LPP: variants seen among roughly 807,000 people sequenced by gnomAD.
LPP encodes lipoma-preferred partner.
LPP carries 38 observed loss-of-function variants against 60.4 expected under a neutral mutation model. The observed-to-expected ratio is 0.63, with a 90% CI of 0.49 to 0.83. LPP has a LOEUF of 0.83. Among genes scored for constraint, LPP ranks in the 40% least tolerant of loss-of-function variants. The pLI is 0.00. For synonymous variants in LPP, 328 were observed against 290.8 expected, an observed-to-expected ratio of 1.13 and a Z score of -1.30; for missense variants, 902 against 783.6, an observed-to-expected ratio of 1.15 and a Z score of -1.80.
chr3:188,526,277 C>T (rs911166695), intron 6 of LPP, among the ~76,000 whole-genome samples: 7 of 136,564 alleles, frequency 5.1e-5, no homozygotes, highest in African/African-American at 1.1e-4. Context: ...CATAAGGTGG[C>T]AGCACTTTCT....
chr3:188,643,759 A>G (rs776985203), intron 7 of LPP, among the ~76,000 whole-genome samples: 2 of 152,170 alleles, frequency 1.3e-5, no homozygotes, highest in African/African-American at 2.4e-5. Flanking sequence ...AGTAGCGTCT[A>G]TGTGCTAGGA....
chr3:188,427,700 T>C (rs1456916895), intron 4 of LPP, among the ~76,000 whole-genome samples: 1 of 152,172 alleles, frequency 6.6e-6, no homozygotes, highest in Non-Finnish European at 1.5e-5. Flanking sequence ...CTGGGGGCTT[T>C]GTTTACACTG....
chr3:188,503,190 C>T (rs182171398), intron 5 of LPP, among the ~76,000 whole-genome samples: 4 of 152,086 alleles, frequency 2.6e-5, no homozygotes, highest in South Asian at 2.1e-4. Flanking sequence ...AACATCCTAA[C>T]GTTATAACAC....
chr3:188,698,066 A>G (rs1014891016), intron 7 of LPP, among the ~76,000 whole-genome samples: 11 of 152,192 alleles, frequency 7.2e-5, no homozygotes, highest in Non-Finnish European at 1.0e-4. Flanking sequence ...AATTGAGGAT[A>G]GTTTTTCTAT....
chr3:188,452,539 C>T (rs958564338), intron 4 of LPP, among the ~76,000 whole-genome samples: 7 of 152,122 alleles, frequency 4.6e-5, no homozygotes, highest in African/African-American at 9.7e-5. Context: ...ATTTAAGTGA[C>T]GTGTATCGAA....
At chr3:188,658,279 G>A (rs896550451) in intron 7 of LPP, among the ~76,000 whole-genome samples, 1 of 151,996 alleles carries the variant, frequency 6.6e-6, no homozygotes, top group Non-Finnish European at 1.5e-5. Context: ...CAAGTAGCTG[G>A]GATTACAGGC....
rs1715345895 is a variant in LPP, at chr3:188,154,209, G to GCCA, written c.-231_-230insACC. On this transcript the variant is annotated 5_prime_UTR_variant, in exon 1 of 12. Coordinates refer to ENST00000617246, the MANE Select transcript of LPP (RefSeq NM_001375462.1). Reference sequence around the variant, plus strand: ...TCCAGCCGCCGCCGCCGCCGCCGCCGCCGCCACCACCACCGCCGCTGCCCC... The same window carrying GCCA: ...TCCAGCCGCCGCCGCCGCCGCCGCCGCCACCGCCACCACCACCGCCGCTGCCCC... Among the ~76,000 whole-genome samples the GCCA allele has an allele frequency of 1.3e-5, 2 of 151,356 alleles. No individual in the cohort carries two copies. Among genetic ancestry groups the GCCA allele is most frequent in the African/African-American group, 4.8e-5 (2 of 41,256 alleles).
Position 188,883,248 on chromosome 3 carries a change from C to G in LPP, c.*8769C>G, listed in dbSNP as rs1159546709. 1 of 213,106 alleles carries G rather than the reference C, an allele frequency of 4.7e-6. No homozygotes were observed. The highest frequency in any genetic ancestry group is 9.5e-6 in the Non-Finnish European group (1 of 105,410). 13.2% of individuals were successfully genotyped at this position (213,106 alleles called of 1,614,324 possible). ...TACTTTTTTGAATTTTTAAGAATCT[C>G]TAAAATTAGTCTGAAGGATGTTCTG... On this transcript the variant is annotated 3_prime_UTR_variant, in exon 12 of 12. Transcript: ENST00000617246.
At chr3:188,661,046 T>C (rs1854472368) in intron 7 of LPP, among the ~76,000 whole-genome samples, 1 of 152,166 alleles carries the variant, frequency 6.6e-6, no homozygotes, top group Non-Finnish European at 1.5e-5. Context: ...TTTACTGGCT[T>C]CATAGTTTTG....
intron 3 of LPP, among the ~76,000 whole-genome samples, chr3:188,348,390 C>T (rs1308793081): frequency 6.6e-6 from 1 of 152,104 alleles, no homozygotes; most frequent in African/African-American, 2.4e-5. Flanking sequence ...TCAGGTGATC[C>T]ACCTGCCTCA....
At chr3:188,732,194 G>C (rs1408420006) in intron 8 of LPP, among the ~76,000 whole-genome samples, 1 of 152,150 alleles carries the variant, frequency 6.6e-6, no homozygotes, top group Non-Finnish European at 1.5e-5. Flanking sequence ...CAAAGCAATA[G>C]GTTCTTCCTG....
chr3:188,752,017 G>C (rs1239798631), intron 8 of LPP, among the ~76,000 whole-genome samples: 1 of 152,154 alleles, frequency 6.6e-6, no homozygotes, highest in East Asian at 1.9e-4. Flanking sequence ...TTAGAGAACA[G>C]TCCAAAGCAT....
At chr3:188,709,447 C>G (rs1437577889) in intron 8 of LPP, 1 of 152,258 alleles carries the variant, frequency 6.6e-6, no homozygotes, top group Non-Finnish European at 1.5e-5. Context: ...ACCTCCACCT[C>G]CGGATTTTGA....
At chr3:188,206,371 C>T (rs1212470869) in intron 1 of LPP, among the ~76,000 whole-genome samples, 3 of 152,110 alleles carry the variant, frequency 2.0e-5, no homozygotes, top group African/African-American at 7.2e-5. Context: ...ACTCTGGGAA[C>T]CTTGCTGAGA....
chr3:188,884,783 T>A lies in LPP; in HGVS notation c.*10304T>A, dbSNP rs938229060. On this transcript the variant is annotated 3_prime_UTR_variant, in exon 12 of 12. Transcript: ENST00000617246. The stretch of plus-strand genomic sequence containing the variant: ...CGTAGGTTAGCAATGCATTTTAGTC[T>A]TTCTCTCCATTCACATTTACTGAGA... The A allele has an allele frequency of 4.4e-6, 1 of 225,838 alleles. No individual in the cohort carries two copies. Among genetic ancestry groups the A allele is most frequent in the Non-Finnish European group, 8.8e-6 (1 of 113,516 alleles). 14.0% of individuals were successfully genotyped at this position (225,838 alleles called of 1,614,324 possible).
intron 8 of LPP, among the ~76,000 whole-genome samples, chr3:188,736,352 A>C (rs1722502911): frequency 6.6e-6 from 1 of 152,188 alleles, no homozygotes; most frequent in Non-Finnish European, 1.5e-5. Context: ...ATTTTCATGC[A>C]AATACAAATA....
rs182928728 is a variant in LPP, at chr3:188,319,004, C to T, written c.-66-22659C>T. Among the ~76,000 whole-genome samples the T allele has an allele frequency of 4.2e-4, 64 of 151,832 alleles. No individual in the cohort carries two copies. The East Asian group carries it at 9.7e-3, about 23-fold the overall frequency. ...CGATCTCCTGACCTCGTGATCCGCCCGCCTCGGCCTCCCAAAGTGCTGGGA... is the reference window on the plus strand; with the variant it reads ...CGATCTCCTGACCTCGTGATCCGCCTGCCTCGGCCTCCCAAAGTGCTGGGA... On this transcript the variant is annotated intron_variant, in intron 2 of 11. Transcript: ENST00000617246.
intron 9 of LPP, among the ~76,000 whole-genome samples, chr3:188,792,607 T>G (rs1242366605): frequency 6.6e-6 from 1 of 152,086 alleles, no homozygotes; most frequent in African/African-American, 2.4e-5. Flanking sequence ...AGTTTTTTTG[T>G]TTTTTTGGTT....
At chr3:188,696,667 C>T (rs1422165028) in intron 7 of LPP, among the ~76,000 whole-genome samples, 2 of 152,176 alleles carry the variant, frequency 1.3e-5, no homozygotes, top group Admixed American at 1.3e-4. Flanking sequence ...AATTCAGCAT[C>T]CTGCACTGGA....
Sources: allele counts gnomAD v4.1 joint callset (sites outside exome capture counted in the v4.1 genomes callset), GRCh38; gene constraint gnomAD v4.1.1; transcripts MANE v1.5; gene names NCBI Gene and HGNC (gene_info 2026-07-23, HGNC 2026-07-21).